The following INSL6 variants were observed in gnomAD, a reference collection of about 807,000 sequenced individuals.
INSL6 encodes the protein insulin-like peptide INSL6.
Under a neutral mutation model 9.4 loss-of-function variants are expected in INSL6, and 16 were observed. The observed-to-expected ratio is 1.70, with a 90% CI of 1.15 to 2.59. The LOEUF (loss-of-function observed/expected upper bound fraction) is 2.59, where lower values mean the gene tolerates loss of function less well. Ranked by LOEUF, INSL6 falls within the 30% of genes most tolerant of loss-of-function variation. The pLI is 0.00. For synonymous variants in INSL6, 154 were observed against 96.9 expected, an observed-to-expected ratio of 1.59 and a Z score of -3.46; for missense variants, 391 against 257.3, an observed-to-expected ratio of 1.52 and a Z score of -3.56.
At chr9:5,040,813 G>C in the INSL6 span, 10 of 209,768 alleles carry the variant, frequency 4.8e-5, no homozygotes, top group East Asian at 1.5e-3. Flanking sequence ...GCAGGAGCTG[G>C]AGCGGGGCCC....
chr9:5,035,050 A>C, the INSL6 span, among the ~76,000 whole-genome samples: 1 of 152,230 alleles, frequency 6.6e-6, no homozygotes, highest in African/African-American at 2.4e-5. Flanking sequence ...GATAAAGGGG[A>C]TATCAACCCG....
intron 3 of INSL6, among the ~76,000 whole-genome samples, chr9:5,132,309 A>C (rs7854968): frequency 0.011 from 1,626 of 152,320 alleles, 34 homozygotes; most frequent in African/African-American, 0.038. Flanking sequence ...TGGTGCTAGG[A>C]AAAAAGAATT....
At chr9:5,156,141 G>GAA (rs58456759) in intron 2 of INSL6, among the ~76,000 whole-genome samples, 1 of 151,586 alleles carries the variant, frequency 6.6e-6, no homozygotes, top group Non-Finnish European at 1.5e-5. Context: ...TTCTTAAAAG[G>GAA]AAAAAAAGGC....
chr9:5,179,625 A>C (rs1283149771), intron 1 of INSL6, among the ~76,000 whole-genome samples: 1 of 152,272 alleles, frequency 6.6e-6, no homozygotes, highest in Admixed American at 6.5e-5. Flanking sequence ...CTGGATATAG[A>C]AAACTTGCTA....
the INSL6 span, chr9:5,114,865 G>C: frequency 4.4e-6 from 1 of 225,546 alleles, no homozygotes; most frequent in Non-Finnish European, 8.9e-6. Context: ...GGAAGGGCTG[G>C]CCAGACCTTC....
At chr9:5,168,626 G>A (rs937593317) in intron 1 of INSL6, among the ~76,000 whole-genome samples, 3 of 151,610 alleles carry the variant, frequency 2.0e-5, no homozygotes, top group East Asian at 3.9e-4. Flanking sequence ...TGAACAAGAC[G>A]GGGAGAACAG....
At chr9:4,997,136 C>G in the INSL6 span, among the ~76,000 whole-genome samples, 2 of 151,668 alleles carry the variant, frequency 1.3e-5, no homozygotes, top group Non-Finnish European at 2.9e-5. Context: ...TTCACCGTGT[C>G]ACTCAGTCTG....
the INSL6 span, among the ~76,000 whole-genome samples, chr9:5,036,701 A>G: frequency 6.6e-6 from 1 of 152,246 alleles, no homozygotes; most frequent in Non-Finnish European, 1.5e-5. Flanking sequence ...CACCTTATAC[A>G]AAAATTAATT....
the INSL6 span, among the ~76,000 whole-genome samples, chr9:4,992,230 T>C: frequency 2.0e-5 from 3 of 152,318 alleles, no homozygotes; most frequent in Non-Finnish European, 2.9e-5. Context: ...AGCATGTACA[T>C]GTGGCCTGGA....
At chr9:5,135,761 ATAAC>A (rs1824377410) in intron 2 of INSL6, among the ~76,000 whole-genome samples, 1 of 152,190 alleles carries the variant, frequency 6.6e-6, no homozygotes, top group African/African-American at 2.4e-5. Context: ...AAGATGAGAA[ATAAC>A]TAAGATCAGA....
intron 1 of INSL6, among the ~76,000 whole-genome samples, chr9:5,168,121 ATAAT>A (rs2130909106): frequency 6.6e-6 from 1 of 152,334 alleles, no homozygotes; most frequent in Admixed American, 6.5e-5. Flanking sequence ...AAGATGAGAA[ATAAT>A]CAGTGCAAAA....
At chr9:5,174,267 G>C (rs1168886375) in intron 1 of INSL6, among the ~76,000 whole-genome samples, 1 of 152,056 alleles carries the variant, frequency 6.6e-6, no homozygotes, top group Non-Finnish European at 1.5e-5. Context: ...TCTCTTTTCT[G>C]TAACAAAACT....
the INSL6 span, among the ~76,000 whole-genome samples, chr9:5,080,837 C>A: frequency 6.7e-6 from 1 of 149,932 alleles, no homozygotes; most frequent in East Asian, 1.9e-4. Context: ...ATGCTTTATA[C>A]ATATTCTAAT....
the INSL6 span, chr9:5,080,489 G>T: frequency 6.5e-7 from 1 of 1,544,252 alleles, no homozygotes; most frequent in South Asian, 1.2e-5. Context: ...AGGTTGGTGT[G>T]GCATTACACA....
chr9:5,009,242 A>C, the INSL6 span, among the ~76,000 whole-genome samples: 1 of 152,206 alleles, frequency 6.6e-6, no homozygotes, highest in African/African-American at 2.4e-5. Context: ...AGAACGATCC[A>C]TTTATTTATT....
chr9:5,040,315 A>C, the INSL6 span, among the ~76,000 whole-genome samples: 1 of 152,000 alleles, frequency 6.6e-6, no homozygotes, highest in Admixed American at 6.5e-5. Flanking sequence ...CTTAAAGTGG[A>C]TCATAGGCCT....
At chr9:5,044,610 T>G in the INSL6 span, 2 of 774,682 alleles carry the variant, frequency 2.6e-6, no homozygotes, top group Non-Finnish European at 2.0e-6. Context: ...ACTTTACATA[T>G]GGGAAAATTG....
the INSL6 span, among the ~76,000 whole-genome samples, chr9:5,020,018 C>T: frequency 1.3e-5 from 2 of 152,124 alleles, no homozygotes; most frequent in Admixed American, 1.3e-4. Context: ...TTTGGGTCTC[C>T]AGGTGACTTG....
the INSL6 span, among the ~76,000 whole-genome samples, chr9:5,052,219 T>A: frequency 6.6e-6 from 1 of 152,112 alleles, no homozygotes; most frequent in Admixed American, 6.6e-5. Flanking sequence ...TCATCCAAAG[T>A]CTTGGCACAA....
Sources: gnomAD v4.1 joint callset for allele counts (sites outside exome capture counted in the v4.1 genomes callset) on GRCh38, gnomAD v4.1.1 for gene constraint, MANE v1.5 for transcripts, NCBI Gene and HGNC (gene_info 2026-07-23, HGNC 2026-07-21) for gene names.